Variants in TMTC4 observed in about 807,000 individuals in gnomAD.
TMTC4 encodes the protein transmembrane O-mannosyltransferase targeting cadherins 4.
In TMTC4, 65 loss-of-function variants were observed where a neutral mutation model predicts 86.0. The observed-to-expected ratio is 0.76, with a 90% confidence interval of 0.62 to 0.93. The LOEUF is 0.93. Ranked by LOEUF, TMTC4 falls within the 40% of genes least tolerant of loss-of-function variation. The pLI is 0.00. For synonymous variants in TMTC4, 379 were observed against 382.5 expected, an observed-to-expected ratio of 0.99 and a Z score of 0.11; for missense variants, 866 against 948.1, an observed-to-expected ratio of 0.91 and a Z score of 1.14.
chr13:100,654,266 C>T (rs927879547), intron 6 of TMTC4, among the ~76,000 whole-genome samples: 4 of 152,162 alleles, frequency 2.6e-5, no homozygotes, highest in African/African-American at 9.7e-5. Context: ...TTAACATTCT[C>T]AAAAACATCT....
chr13:100,646,488 C>T (rs1883758317), intron 6 of TMTC4, among the ~76,000 whole-genome samples: 1 of 152,228 alleles, frequency 6.6e-6, no homozygotes, highest in South Asian at 2.1e-4. Flanking sequence ...CAGGGGGCCA[C>T]CTGGCCTCGA....
intron 9 of TMTC4, 130 bp from the exon 10 acceptor site, chr13:100,636,864 T>C (rs1234069749): frequency 4.4e-6 from 4 of 905,280 alleles, no homozygotes; most frequent in Non-Finnish European, 6.9e-6. Flanking sequence ...AAATAAAATG[T>C]TGCCAACGTG....
intron 16 of TMTC4, 22 bp from the exon 17 acceptor site, chr13:100,612,532 A>G (rs369517007): frequency 6.4e-6 from 10 of 1,568,474 alleles, no homozygotes; most frequent in African/African-American, 4.1e-5. Flanking sequence ...AAATGGAAAA[A>G]TAAAAGACAT....
chr13:100,616,700 A>G (rs1289910674), intron 15 of TMTC4, among the ~76,000 whole-genome samples: 1 of 152,156 alleles, frequency 6.6e-6, no homozygotes, highest in Non-Finnish European at 1.5e-5. Flanking sequence ...ACTTTTTGAT[A>G]ACAGCCACTC....
chr13:100,659,805 G>C (rs1039055060), intron 5 of TMTC4, among the ~76,000 whole-genome samples: 4 of 149,810 alleles, frequency 2.7e-5, no homozygotes, highest in African/African-American at 9.9e-5. Flanking sequence ...GGCCAGGAGG[G>C]GGCAAGACTG....
intron 5 of TMTC4, 114 bp downstream of exon 5, chr13:100,662,850 G>T: frequency 9.1e-7 from 1 of 1,096,620 alleles, no homozygotes; most frequent in Non-Finnish European, 1.4e-6. Context: ...ACTTTCTCCA[G>T]CTCTGGAACC....
In TMTC4 at chr13:100,636,458, T is replaced by C. The variant is rs532552099; in HGVS notation, c.1202+74A>G. The C allele has an allele frequency of 1.1e-4, 173 of 1,531,316 alleles. 1 individual carries two copies. In the South Asian group the frequency reaches 1.9e-3, roughly 17 times the overall value. 94.9% of individuals were successfully genotyped at this position (1,531,316 alleles called of 1,614,324 possible). ...CGTGACTTCCACAAAATCATAAAAA[T>C]GATCAGCGCAGGATTTCACAAAACG... On this transcript the variant is annotated intron_variant, in intron 10 of 18. Coordinates refer to ENST00000342624, the MANE Select transcript of TMTC4 (RefSeq NM_032813.5).
chr13:100,668,461 C>T (rs774994132), intron 3 of TMTC4, 118 bp downstream of exon 3: 160 of 1,022,850 alleles, frequency 1.6e-4, no homozygotes, highest in Non-Finnish European at 2.2e-4. Flanking sequence ...AGAGCACCAT[C>T]GGGGCCCAGG....
At chr13:100,649,527 G>A (rs1026926462) in intron 6 of TMTC4, among the ~76,000 whole-genome samples, 3 of 151,976 alleles carry the variant, frequency 2.0e-5, no homozygotes, top group Non-Finnish European at 4.4e-5. Flanking sequence ...TGCATATAGT[G>A]GGCACTCGAT....
chr13:100,645,446 G>A (rs1883593600), intron 6 of TMTC4, among the ~76,000 whole-genome samples: 1 of 152,228 alleles, frequency 6.6e-6, no homozygotes, highest in Non-Finnish European at 1.5e-5. Flanking sequence ...AGTTAAGAGA[G>A]CAAACACCCC....
intron 5 of TMTC4, among the ~76,000 whole-genome samples, chr13:100,657,840 T>C (rs1157173960): frequency 6.6e-6 from 1 of 152,226 alleles, no homozygotes; most frequent in East Asian, 1.9e-4. Context: ...TAGGAGCAGA[T>C]TCCCCTACAT....
intron 6 of TMTC4, among the ~76,000 whole-genome samples, chr13:100,647,991 C>G (rs992600349): frequency 7.2e-5 from 11 of 152,194 alleles, no homozygotes; most frequent in African/African-American, 2.4e-4. Flanking sequence ...GCAATTCTGA[C>G]AGAAGAGTCC....
intron 9 of TMTC4, 146 bp from the exon 10 acceptor site, chr13:100,636,880 G>C (rs1218098969): frequency 2.6e-6 from 2 of 772,424 alleles, no homozygotes; most frequent in Non-Finnish European, 4.3e-6. Context: ...ACGTGTATTG[G>C]GTATGTGACT....
chr13:100,654,093 G>C (rs1164948466), intron 6 of TMTC4, among the ~76,000 whole-genome samples: 2 of 152,340 alleles, frequency 1.3e-5, no homozygotes, highest in East Asian at 3.9e-4. Context: ...TTGTAGACAA[G>C]AGGTCAACAG....
chr13:100,638,634 C>A (rs553166419), intron 7 of TMTC4: 2 of 152,202 alleles, frequency 1.3e-5, no homozygotes, highest in African/African-American at 4.8e-5. Context: ...AACTAGGTTG[C>A]GGGGCTGAGT....
At chr13:100,632,473 T>A (rs1023824299) in intron 12 of TMTC4, among the ~76,000 whole-genome samples, 3 of 152,200 alleles carry the variant, frequency 2.0e-5, no homozygotes, top group African/African-American at 7.2e-5. Context: ...TTACTGCGAT[T>A]CAAACAGTAA....
chr13:100,635,836 G>A (rs1788138671), intron 10 of TMTC4: 1 of 152,594 alleles, frequency 6.6e-6, no homozygotes, highest in South Asian at 2.1e-4. Flanking sequence ...CTCCTTCTTG[G>A]GCCCTGTGGC....
intron 1 of TMTC4, among the ~76,000 whole-genome samples, chr13:100,672,232 G>A (rs894235889): frequency 9.8e-5 from 15 of 152,362 alleles, no homozygotes; most frequent in Non-Finnish European, 2.1e-4. Context: ...GAGCACTAGG[G>A]CCAGCAGTAG....
chr13:100,654,649 C>T lies in TMTC4; in HGVS notation c.640+1732G>A, dbSNP rs373051383. On this transcript the variant is annotated intron_variant, in intron 6 of 18. Coordinates refer to ENST00000342624, the MANE Select transcript of TMTC4 (RefSeq NM_032813.5). ...CAGAAAAAAGAAGAGTAAAAGGTTC[C>T]AGAAAAAGAATATAAAATGTCTAGC... is the stretch of plus-strand genomic sequence containing the variant. 8.8e-4 allele frequency among the ~76,000 whole-genome samples: 133 copies of T among 151,956 alleles called. 2 individuals carry two copies. In the South Asian group the frequency reaches 0.016, roughly 19 times the overall value.
Sources: allele counts gnomAD v4.1 joint callset (sites outside exome capture counted in the v4.1 genomes callset), GRCh38; gene constraint gnomAD v4.1.1; transcripts MANE v1.5; gene names NCBI Gene and HGNC (gene_info 2026-07-23, HGNC 2026-07-21).